CCNI: variants seen among roughly 807,000 people sequenced by gnomAD.
The protein encoded by CCNI is cyclin I.
CCNI carries 14 observed loss-of-function variants against 34.1 expected under a neutral mutation model. The ratio of observed to expected loss-of-function variants is 0.41; its 90% CI spans 0.27 to 0.64. The LOEUF (loss-of-function observed/expected upper bound fraction) is 0.64, where lower values mean the gene tolerates loss of function less well. CCNI is among the 30% of genes least tolerant of loss of function. The pLI, the probability that CCNI is intolerant of heterozygous loss-of-function variation, is 0.31. For missense variants in CCNI, 385 were observed against 440.5 expected (o/e 0.87, Z 1.13); for synonymous variants, 154 against 158.4 (o/e 0.97, Z 0.21).
rs372228783 is a variant in CCNI at position 77,048,672 on chromosome 4, GAA to G, written c.691-12_691-11del. 171 of 1,209,350 alleles carry G rather than the reference GAA, an allele frequency of 1.4e-4. No individual in the cohort carries two copies. Among genetic ancestry groups the G allele is most frequent in the Admixed American group, 4.4e-4 (16 of 36,526 alleles). 74.9% of individuals were successfully genotyped at this position (1,209,350 alleles called of 1,614,324 possible). A position where few individuals can be genotyped will look rare whatever the true frequency, so the allele number is the denominator to read the frequency against. On this transcript the variant is annotated splice_polypyrimidine_tract_variant and intron_variant, in intron 6 of 6. Transcript: ENST00000237654. ...ACTGGGAGCTATCCATCTGGGCCAG[GAA>G]AAAAAAAAAGCCACACACAGTTGAT...
intron 1 of CCNI, among the ~76,000 whole-genome samples, chr4:77,068,215 G>A (rs1166801524): frequency 6.6e-6 from 1 of 152,064 alleles, no homozygotes; most frequent in Non-Finnish European, 1.5e-5. Context: ...AATGTGAAAA[G>A]GCTTAGCTGG....
intron 2 of CCNI, among the ~76,000 whole-genome samples, chr4:77,062,836 CAA>C (rs1417236883): frequency 6.6e-6 from 1 of 152,074 alleles, no homozygotes; most frequent in African/African-American, 2.4e-5. Flanking sequence ...ATTCATGTAA[CAA>C]AATTATCATG....
chr4:77,056,385 G>GT, intron 3 of CCNI, 62 bp from the exon 4 acceptor site: 2 of 1,285,552 alleles, frequency 1.6e-6, no homozygotes, highest in Non-Finnish European at 2.3e-6. Flanking sequence ...TTAACTTTTT[G>GT]TAACTGTTTT....
intron 6 of CCNI, among the ~76,000 whole-genome samples, chr4:77,051,952 TTG>T (rs1227590503): frequency 1.4e-5 from 2 of 146,570 alleles, no homozygotes; most frequent in African/African-American, 2.6e-5. Flanking sequence ...GTCTGTTTTT[TTG>T]TTTTTTTTTT....
At chr4:77,056,422 G>T in intron 3 of CCNI, 99 bp from the exon 4 acceptor site, 1 of 781,922 alleles carries the variant, frequency 1.3e-6, no homozygotes, top group Non-Finnish European at 2.2e-6. Flanking sequence ...AGATGAGACA[G>T]GTATACACAA....
rs377486366 is a variant in CCNI at position 77,067,147 on chromosome 4, G to A, written c.-43-742C>T. Among the ~76,000 whole-genome samples the A allele has an allele frequency of 2.0e-5, 3 of 151,934 alleles. No homozygotes were observed. The South Asian group carries it at 6.2e-4, about 32-fold the overall frequency. On this transcript the variant is annotated intron_variant, in intron 1 of 6. Transcript: ENST00000237654. ...CTCGGGAGGCTGAAGCAGGAGAATC[G>A]TTTGAACCAGGGAGGCAGAGGTTGC... is the stretch of plus-strand genomic sequence containing the variant.
intron 2 of CCNI, among the ~76,000 whole-genome samples, chr4:77,059,823 C>T (rs1728482870): frequency 6.6e-6 from 1 of 152,090 alleles, no homozygotes; most frequent in African/African-American, 2.4e-5. Context: ...CACAAGACTT[C>T]TGGATGAAGA....
chr4:77,051,947 T>C (rs1051897374), intron 6 of CCNI, among the ~76,000 whole-genome samples: 6 of 145,238 alleles, frequency 4.1e-5, no homozygotes, highest in African/African-American at 1.6e-4. Context: ...GAGGGGTCTG[T>C]TTTTTTGTTT....
In CCNI at chr4:77,073,757, G is replaced by A. The variant is rs572770438; in HGVS notation, c.-44+1715C>T. 3.6e-4 allele frequency among the ~76,000 whole-genome samples: 55 copies of A among 152,262 alleles called. No homozygotes were observed. The South Asian group carries it at 9.1e-3, about 25-fold the overall frequency. The stretch of plus-strand genomic sequence containing the variant: ...GCCCTGCCTTCCAACATCTGTACTT[G>A]GACATAATTCTACCTTTACATTTAG... On this transcript the variant is annotated intron_variant, in intron 1 of 6. Coordinates refer to ENST00000237654, the MANE Select transcript of CCNI (RefSeq NM_006835.3).
Position 77,056,338 on chromosome 4 carries a change from A to C in CCNI, c.244-15T>G, listed in dbSNP as rs904527552. 1.3e-6 allele frequency: 2 copies of C among 1,595,004 alleles called. No individual in the cohort carries two copies. The highest frequency in any genetic ancestry group is 2.7e-5 in the African/African-American group (2 of 74,568). On this transcript the variant is annotated splice_polypyrimidine_tract_variant and intron_variant, in intron 3 of 6. Coordinates refer to ENST00000237654, the MANE Select transcript of CCNI (RefSeq NM_006835.3). ...TTTGGATGAGCCTAAAATTTTGAAG[A>C]GGGAAAAAGCAACTTTAGTGATTTT...
chr4:77,069,160 T>C (rs1729271867), intron 1 of CCNI, among the ~76,000 whole-genome samples: 1 of 152,230 alleles, frequency 6.6e-6, no homozygotes. Context: ...CTCCGGCCTG[T>C]AATCCTTGCA....
chr4:77,055,995 A>T lies in CCNI; in HGVS notation c.426T>A (p.Leu142=). 1 of 1,613,428 alleles carries T rather than the reference A, an allele frequency of 6.2e-7. No homozygotes were observed. The highest frequency in any genetic ancestry group is 8.5e-7 in the Non-Finnish European group (1 of 1,179,520). The change falls in exon 5 of 7, where the codon CTT becomes CTA. Residue 142 remains leucine (L), a synonymous_variant. Transcript: ENST00000237654. ...GAAAATCCAATGGTGTGGCTGTGTG[A>T]AGATCCCAATTCAACTTATCCAGAA... ...RIILDKLNWD[L]HTATPLDFLH...
In CCNI at chr4:77,075,852, C is replaced by A. The variant is rs1729923863; in HGVS notation, c.-424G>T. Reference sequence around the variant, plus strand: ...CTGCCCCTGCCCGGGGAAAGCGCCTCCGAGGGGAAATGGTGAAAGGGGGGG... The same window carrying A: ...CTGCCCCTGCCCGGGGAAAGCGCCTACGAGGGGAAATGGTGAAAGGGGGGG... On this transcript the variant is annotated 5_prime_UTR_variant, in exon 1 of 7. Transcript: ENST00000237654. 7.0e-6 allele frequency: 1 copy of A among 143,744 alleles called. No individual in the cohort carries two copies. The highest frequency in any genetic ancestry group is 1.5e-5 in the Non-Finnish European group (1 of 66,664). The allele number at this position is 143,744 out of a possible 1,614,324, so 8.9% of individuals were successfully genotyped here. A position where few individuals can be genotyped will look rare whatever the true frequency, so the allele number is the denominator to read the frequency against.
At chr4:77,057,277 A>T (rs4252881) in intron 3 of CCNI, among the ~76,000 whole-genome samples, 1 of 152,220 alleles carries the variant, frequency 6.6e-6, no homozygotes, top group Admixed American at 6.5e-5. Flanking sequence ...ATTAGTGAAC[A>T]CATTGTTGTA....
At chr4:77,071,232 T>C (rs1414547323) in intron 1 of CCNI, among the ~76,000 whole-genome samples, 1 of 152,238 alleles carries the variant, frequency 6.6e-6, no homozygotes, top group Admixed American at 6.5e-5. Flanking sequence ...CAAATATTTA[T>C]ATTGTAATAA....
At chr4:77,055,413 T>C in intron 5 of CCNI, 33 bp from the exon 6 acceptor site, 2 of 1,392,306 alleles carry the variant, frequency 1.4e-6, no homozygotes, top group Non-Finnish European at 2.0e-6. Context: ...TTTAACTTTA[T>C]TTAAATATCT....
intron 2 of CCNI, among the ~76,000 whole-genome samples, chr4:77,064,369 A>C (rs1056899338): frequency 2.6e-5 from 4 of 152,192 alleles, no homozygotes; most frequent in Admixed American, 1.3e-4. Flanking sequence ...TGCTGACTTA[A>C]GGAGATAGCA....
Position 77,056,096 on chromosome 4 carries a change from G to A in CCNI, c.325C>T (p.Pro109Ser). The A allele has an allele frequency of 6.2e-7, 1 of 1,613,348 alleles. No homozygotes were observed. The highest frequency in any genetic ancestry group is 8.5e-7 in the Non-Finnish European group (1 of 1,179,678). Residue 109 changes from proline to serine, a missense_variant, in exon 5 of 7, where the codon CCA becomes TCA. Coordinates refer to ENST00000237654, the MANE Select transcript of CCNI (RefSeq NM_006835.3). ...TCTCTTGCCAATACCTTTAGTACTG[G>A]AATTCTCTATCCAAAGCAAAGGGGA... is the stretch of plus-strand genomic sequence containing the variant. The part of the protein sequence containing the change: ...AKTVEEDERI[P>S]VLKVLARDSF...
Position 77,047,951 on chromosome 4 carries a change from C to T in CCNI, c.*268G>A. On this transcript the variant is annotated 3_prime_UTR_variant, in exon 7 of 7. Transcript: ENST00000237654. Reference sequence around the variant, plus strand: ...GTTACATTATGGCAGAAAAAAAGTGCAACTGACATACTACAAAGAGATTTT... The same window carrying T: ...GTTACATTATGGCAGAAAAAAAGTGTAACTGACATACTACAAAGAGATTTT... 1 of 292,210 alleles carries T rather than the reference C, an allele frequency of 3.4e-6. No individual in the cohort carries two copies. The highest frequency in any genetic ancestry group is 6.4e-6 in the Non-Finnish European group (1 of 156,870). 18.1% of individuals were successfully genotyped at this position (292,210 alleles called of 1,614,324 possible).
Sources: gnomAD v4.1 joint callset for allele counts (sites outside exome capture counted in the v4.1 genomes callset) on GRCh38, gnomAD v4.1.1 for gene constraint, MANE v1.5 for transcripts, NCBI Gene and HGNC (gene_info 2026-07-23, HGNC 2026-07-21) for gene names.